Variants in CFAP221 observed in about 807,000 individuals in gnomAD.
CFAP221 encodes cilia- and flagella-associated protein 221.
In CFAP221, 97 loss-of-function variants were observed where a neutral mutation model predicts 113.1. The observed-to-expected ratio is 0.86, with a 90% CI of 0.73 to 1.02. The LOEUF (loss-of-function observed/expected upper bound fraction) is 1.02, where lower values mean the gene tolerates loss of function less well. Ranked by LOEUF, CFAP221 falls within the 50% of genes least tolerant of loss-of-function variation. CFAP221 has a pLI of 0.00. For missense variants in CFAP221, 1,025 were observed against 1,013.4 expected (o/e 1.01, Z -0.16); for synonymous variants, 331 against 354.4 (o/e 0.93, Z 0.74).
At chr2:119,639,996 G>T (rs756389547) in intron 21 of CFAP221, 124 bp downstream of exon 21, 8 of 756,366 alleles carry the variant, frequency 1.1e-5, no homozygotes, top group African/African-American at 1.8e-5. Context: ...AGAGAAGTTT[G>T]CTAGTCAAAG....
chr2:119,637,499 A>G (rs551565373), intron 19 of CFAP221, among the ~76,000 whole-genome samples: 50 of 152,274 alleles, frequency 3.3e-4, no homozygotes, highest in African/African-American at 1.1e-3. Context: ...TAAAAGTTAG[A>G]CAAACAAACA....
chr2:119,593,848 C>A (rs1373499952), intron 7 of CFAP221, among the ~76,000 whole-genome samples: 1 of 150,852 alleles, frequency 6.6e-6, no homozygotes, highest in Non-Finnish European at 1.5e-5. Flanking sequence ...AAAAAAAAAA[C>A]AAAACGAAAC....
intron 21 of CFAP221, among the ~76,000 whole-genome samples, chr2:119,645,563 A>G (rs1687754362): frequency 6.6e-6 from 1 of 151,426 alleles, no homozygotes; most frequent in African/African-American, 2.4e-5. Flanking sequence ...TTCTCTTCCC[A>G]TTAGTCAAAA....
intron 12 of CFAP221, among the ~76,000 whole-genome samples, chr2:119,609,035 C>T (rs979308110): frequency 6.6e-6 from 1 of 152,154 alleles, no homozygotes; most frequent in Non-Finnish European, 1.5e-5. Context: ...GTCAGAGACC[C>T]TCAAAGGGGC....
At chr2:119,557,714 C>T (rs1680910661) in intron 3 of CFAP221, among the ~76,000 whole-genome samples, 1 of 152,060 alleles carries the variant, frequency 6.6e-6, no homozygotes, top group African/African-American at 2.4e-5. Context: ...CAAAGCACTC[C>T]TAGAAGCCAG....
At chr2:119,570,504 C>T (rs576228084) in intron 6 of CFAP221, among the ~76,000 whole-genome samples, 3 of 152,274 alleles carry the variant, frequency 2.0e-5, no homozygotes, top group African/African-American at 7.2e-5. Context: ...CCCAAAAAAA[C>T]CCATACCAAC....
chr2:119,645,888 A>G (rs763366078), intron 21 of CFAP221, among the ~76,000 whole-genome samples: 2 of 151,968 alleles, frequency 1.3e-5, no homozygotes, highest in South Asian at 2.1e-4. Context: ...ACTTTTATCC[A>G]TTGATTTCTT....
chr2:119,575,192 A>G (rs1346910468), intron 6 of CFAP221, among the ~76,000 whole-genome samples: 2 of 152,186 alleles, frequency 1.3e-5, no homozygotes, highest in South Asian at 4.1e-4. Context: ...AATAAATGCT[A>G]TAGTTTTCTC....
At chr2:119,604,501 A>G (rs780385290) in intron 8 of CFAP221, among the ~76,000 whole-genome samples, 171 bp from the exon 9 acceptor site, 1 of 152,134 alleles carries the variant, frequency 6.6e-6, no homozygotes, top group Non-Finnish European at 1.5e-5. Flanking sequence ...TTATACTCTA[A>G]TGCACTGACA....
At chr2:119,573,091 T>G (rs1682183758) in intron 6 of CFAP221, 1 of 153,794 alleles carries the variant, frequency 6.5e-6, no homozygotes, top group Non-Finnish European at 1.4e-5. Context: ...CTGGGCCACA[T>G]GGGAATGTGC....
chr2:119,613,964 A>T (rs1685352965), intron 13 of CFAP221, among the ~76,000 whole-genome samples: 1 of 152,246 alleles, frequency 6.6e-6, no homozygotes, highest in African/African-American at 2.4e-5. Context: ...TGCTTTTGAC[A>T]GCACCCAAGT....
intron 3 of CFAP221, among the ~76,000 whole-genome samples, chr2:119,558,295 TC>T (rs975338572): frequency 2.0e-5 from 3 of 152,076 alleles, no homozygotes; most frequent in African/African-American, 7.2e-5. Context: ...AGCAAACCTC[TC>T]CTCCCAGTCT....
intron 8 of CFAP221, chr2:119,602,874 C>T (rs1219843408): frequency 1.4e-6 from 1 of 703,050 alleles, no homozygotes. Flanking sequence ...CATGGCTGTG[C>T]TTTTACATGC....
intron 5 of CFAP221, 147 bp downstream of exon 5, chr2:119,560,173 A>G: frequency 1.5e-6 from 1 of 665,214 alleles, no homozygotes; most frequent in South Asian, 2.0e-5. Flanking sequence ...CACCAGTGTG[A>G]CTGGCGTGCA....
intron 23 of CFAP221, 118 bp downstream of exon 23, chr2:119,652,187 A>G: frequency 6.3e-6 from 4 of 635,004 alleles, no homozygotes; most frequent in Non-Finnish European, 1.0e-5. Context: ...AAAGAGACAC[A>G]TTTCTGGTGC....
intron 13 of CFAP221, among the ~76,000 whole-genome samples, chr2:119,612,088 G>A (rs1196114547): frequency 6.6e-6 from 1 of 152,016 alleles, no homozygotes; most frequent in African/African-American, 2.4e-5. Context: ...TCCTTCCCTT[G>A]GTAGAAAGGA....
At chr2:119,572,019 C>T (rs540435428) in intron 6 of CFAP221, among the ~76,000 whole-genome samples, 7 of 152,328 alleles carry the variant, frequency 4.6e-5, no homozygotes, top group African/African-American at 1.7e-4. Context: ...GAGAACCTCT[C>T]TTAGGGTAGG....
intron 3 of CFAP221, among the ~76,000 whole-genome samples, chr2:119,557,856 A>G (rs1216020181): frequency 1.3e-5 from 2 of 151,088 alleles, no homozygotes; most frequent in African/African-American, 4.9e-5. Context: ...TACAAAAGTT[A>G]GCTGGGCCAG....
chr2:119,642,470 T>C (rs1443418174), intron 21 of CFAP221, among the ~76,000 whole-genome samples: 1 of 151,230 alleles, frequency 6.6e-6, no homozygotes, highest in Admixed American at 6.6e-5. Context: ...GCTTCCTGGT[T>C]CCTACATGGT....
Sources: allele counts gnomAD v4.1 joint callset (sites outside exome capture counted in the v4.1 genomes callset), GRCh38; gene constraint gnomAD v4.1.1; transcripts MANE v1.5; gene names NCBI Gene and HGNC (gene_info 2026-07-23, HGNC 2026-07-21).